ANAPC4: variants seen among roughly 807,000 people sequenced by gnomAD.
ANAPC4 encodes anaphase promoting complex subunit 4.
ANAPC4 carries 63 observed loss-of-function variants against 119.8 expected under a neutral mutation model. The observed-to-expected ratio is 0.53, with a 90% CI of 0.43 to 0.65. The LOEUF (loss-of-function observed/expected upper bound fraction) is 0.65. ANAPC4 is among the 30% of genes least tolerant of loss of function. ANAPC4 has a pLI of 0.00. For missense variants in ANAPC4, 716 were observed against 945.1 expected (o/e 0.76, Z 3.18); for synonymous variants, 283 against 318.6 (o/e 0.89, Z 1.19).
intron 8 of ANAPC4, 22 bp downstream of exon 8, chr4:25,390,242 C>T: frequency 6.5e-7 from 1 of 1,543,074 alleles, no homozygotes; most frequent in Non-Finnish European, 8.9e-7. Context: ...TTAACATTTT[C>T]TCTTCCTAAA....
chr4:25,394,154 T>A (rs141081940), intron 11 of ANAPC4, among the ~76,000 whole-genome samples, 156 bp from the exon 12 acceptor site: 1 of 152,234 alleles, frequency 6.6e-6, no homozygotes, highest in Non-Finnish European at 1.5e-5. Context: ...AACAGCTGAT[T>A]GGCTATCTTC....
intron 2 of ANAPC4, 92 bp downstream of exon 2, chr4:25,377,648 C>T: frequency 2.0e-6 from 3 of 1,489,796 alleles, no homozygotes; most frequent in Admixed American, 2.2e-5. Flanking sequence ...GGGCCACAGG[C>T]GGCCGGAGCC....
Position 25,380,186 on chromosome 4 carries a change from C to A in ANAPC4, c.130-188C>A, listed in dbSNP as rs544293495. ...AGATTAGGTACAGGGTTAAATTAGACCTTGTTTCACCCATTTATTTTAAAA... is the reference window on the plus strand; with the variant it reads ...AGATTAGGTACAGGGTTAAATTAGAACTTGTTTCACCCATTTATTTTAAAA... On this transcript the variant is annotated intron_variant, in intron 2 of 28. Coordinates refer to ENST00000315368, the MANE Select transcript of ANAPC4 (RefSeq NM_013367.3). Among the ~76,000 whole-genome samples the A allele has an allele frequency of 3.0e-4, 46 of 152,230 alleles. No homozygotes were observed. In the South Asian group the frequency reaches 8.9e-3, roughly 29 times the overall value.
At chr4:25,403,600 C>T (rs1723096699) in intron 17 of ANAPC4, among the ~76,000 whole-genome samples, 2 of 152,098 alleles carry the variant, frequency 1.3e-5, no homozygotes, top group South Asian at 2.1e-4. Flanking sequence ...GTGATTATTT[C>T]GTCTTCTGTC....
chr4:25,393,899 A>G lies in ANAPC4; in HGVS notation c.876+8A>G. The G allele has an allele frequency of 6.2e-7, 1 of 1,600,460 alleles. No homozygotes were observed. Among genetic ancestry groups the G allele is most frequent in the South Asian group, 1.1e-5 (1 of 88,474 alleles). Reference sequence around the variant, plus strand: ...CTCACCAAGTTTGTGCAGGTAAAGCAGCTGAAGTTTCCCATGGAGAGAGTT... The same window carrying G: ...CTCACCAAGTTTGTGCAGGTAAAGCGGCTGAAGTTTCCCATGGAGAGAGTT... On this transcript the variant is annotated splice_region_variant and intron_variant, in intron 11 of 28. Coordinates refer to ENST00000315368, the MANE Select transcript of ANAPC4 (RefSeq NM_013367.3).
At chr4:25,401,144 T>G (rs1722941374) in intron 16 of ANAPC4, among the ~76,000 whole-genome samples, 1 of 152,358 alleles carries the variant, frequency 6.6e-6, no homozygotes, top group South Asian at 2.1e-4. Flanking sequence ...TTAATTAGAT[T>G]GCTGTTCCCT....
intron 14 of ANAPC4, chr4:25,395,242 A>G (rs28562874): frequency 5.9e-6 from 1 of 168,752 alleles, no homozygotes; most frequent in Non-Finnish European, 1.3e-5. Flanking sequence ...AGAATATTGT[A>G]TATTTATTTA....
chr4:25,407,580 C>T (rs879277343), intron 20 of ANAPC4, among the ~76,000 whole-genome samples: 18 of 149,806 alleles, frequency 1.2e-4, no homozygotes, highest in Admixed American at 5.3e-4. Flanking sequence ...TCACCCAGGG[C>T]GACAGAACAA....
intron 27 of ANAPC4, 147 bp downstream of exon 27, chr4:25,416,745 T>C: frequency 1.8e-6 from 1 of 563,480 alleles, no homozygotes. Flanking sequence ...TGCTCCAATT[T>C]TTCATTCAAA....
intron 21 of ANAPC4, 139 bp from the exon 22 acceptor site, chr4:25,413,506 A>T: frequency 3.7e-5 from 21 of 564,752 alleles, no homozygotes; most frequent in Non-Finnish European, 4.5e-5. Flanking sequence ...AGGTTGTGTG[A>T]AAATCCAATG....
In ANAPC4 at chr4:25,417,736, T is replaced by C; in HGVS notation, c.2196T>C (p.Cys732=). 6.2e-7 allele frequency: 1 copy of C among 1,607,820 alleles called. No homozygotes were observed. Among genetic ancestry groups the C allele is most frequent in the Non-Finnish European group, 8.5e-7 (1 of 1,178,058 alleles). Residue 732 remains cysteine, a synonymous_variant, in exon 28 of 29, where the codon TGT becomes TGC. Coordinates refer to ENST00000315368, the MANE Select transcript of ANAPC4 (RefSeq NM_013367.3). ...VAGNGFRKVS[C]VLSSNLRHVR... is the part of the protein sequence containing the mutation. ...GGAATGGTTTTCGAAAAGTGTCCTG[T>C]GTGGTAAGTGTTTAGAGATCGTTCA...
chr4:25,402,928 A>T, intron 16 of ANAPC4, 43 bp from the exon 17 acceptor site: 1 of 1,178,006 alleles, frequency 8.5e-7, no homozygotes, highest in Non-Finnish European at 1.2e-6. Flanking sequence ...TGAATCCCCC[A>T]CACACTAATC....
intron 22 of ANAPC4, 38 bp downstream of exon 22, chr4:25,413,780 A>G: frequency 6.8e-7 from 1 of 1,469,816 alleles, no homozygotes; most frequent in Non-Finnish European, 9.5e-7. Flanking sequence ...GTGTAGGAGC[A>G]ATAGTGTCTA....
chr4:25,388,893 C>T lies in ANAPC4; in HGVS notation c.515+11C>T, dbSNP rs369201112. 1 of 1,575,756 alleles carries T rather than the reference C, an allele frequency of 6.3e-7. No individual in the cohort carries two copies. Among genetic ancestry groups the T allele is most frequent in the African/African-American group, 1.4e-5 (1 of 73,620 alleles). Reference sequence around the variant, plus strand: ...CTTGGGAGACGTCAGGTAAATCTTACAGATAAATAAGTCTAATTTCTTAAA... The same window carrying T: ...CTTGGGAGACGTCAGGTAAATCTTATAGATAAATAAGTCTAATTTCTTAAA... On this transcript the variant is annotated intron_variant, in intron 7 of 28. Coordinates refer to ENST00000315368, the MANE Select transcript of ANAPC4 (RefSeq NM_013367.3).
rs1458179881 is a variant in ANAPC4 at position 25,416,462 on chromosome 4, G to A, written c.1939G>A (p.Glu647Lys). The change falls in exon 27 of 29, where the codon GAA becomes AAA. Residue 647 changes from glutamate (E) to lysine (K), a missense_variant. Glu to Lys is a moderately conservative substitution (Grantham distance 56, BLOSUM62 1). Transcript: ENST00000315368. The part of the protein sequence containing the change: ...SCLDAQFYDD[E>K]TVTVVLKDTV... ...TTTAGATGCACAGTTTTATGATGATGAAACTGTAACAGTAGTTCTTAAAGA... is the reference window on the plus strand; with the variant it reads ...TTTAGATGCACAGTTTTATGATGATAAAACTGTAACAGTAGTTCTTAAAGA... The A allele has an allele frequency of 6.3e-7, 1 of 1,584,736 alleles. No individual in the cohort carries two copies. Among genetic ancestry groups the A allele is most frequent in the Admixed American group, 1.7e-5 (1 of 57,892 alleles).
At chr4:25,414,114 G>A (rs942307056) in intron 22 of ANAPC4, 1 of 484,826 alleles carries the variant, frequency 2.1e-6, no homozygotes, top group Admixed American at 3.9e-5. Context: ...TCTTAAACCT[G>A]CCATGTGCTT....
chr4:25,416,428 C>A lies in ANAPC4; in HGVS notation c.1905C>A (p.Ile635=), dbSNP rs1414010942. The change falls in exon 27 of 29, where the codon ATC becomes ATA. Residue 635 remains isoleucine (I), a synonymous_variant. Transcript: ENST00000315368. The part of the protein sequence containing the change: ...YATTEKVRRS[I]YSCLDAQFYD... ...ACAAAACTTATTTTAATTCTAGCAT[C>A]TACAGTTGTTTAGATGCACAGTTTT... The A allele has an allele frequency of 9.8e-6, 15 of 1,526,526 alleles. No individual in the cohort carries two copies. The highest frequency in any genetic ancestry group is 1.3e-5 in the Non-Finnish European group (15 of 1,126,612). 94.6% of individuals were successfully genotyped at this position (1,526,526 alleles called of 1,614,324 possible).
rs139310293 is a variant in ANAPC4, at chr4:25,413,413, T to C, written c.1526-232T>C. 1.7e-3 allele frequency: 688 copies of C among 415,088 alleles called. 6 individuals carry two copies. The highest frequency in any genetic ancestry group is 0.012 in the African/African-American group (605 of 49,006). The allele number at this position is 415,088 out of a possible 1,614,324, so 25.7% of individuals were successfully genotyped here. A position where few individuals can be genotyped will look rare whatever the true frequency, so the allele number is the denominator to read the frequency against. ...ACCTACAGTTGGATTTTGGTGAGTC[T>C]AAGTTTGTAGTAAGTGAGATTGTTT... On this transcript the variant is annotated intron_variant, in intron 21 of 28. Coordinates refer to ENST00000315368, the MANE Select transcript of ANAPC4 (RefSeq NM_013367.3).
intron 16 of ANAPC4, among the ~76,000 whole-genome samples, chr4:25,400,177 G>T (rs1453967324): frequency 6.6e-6 from 1 of 152,130 alleles, no homozygotes; most frequent in Non-Finnish European, 1.5e-5. Flanking sequence ...GAATTGCTGG[G>T]GTTTTTTCTT....
Sources: allele counts gnomAD v4.1 joint callset (sites outside exome capture counted in the v4.1 genomes callset), GRCh38; gene constraint gnomAD v4.1.1; transcripts MANE v1.5; gene names NCBI Gene and HGNC (gene_info 2026-07-23, HGNC 2026-07-21).